The following FRMD3 variants were observed in gnomAD, a reference collection of about 807,000 sequenced individuals.
FRMD3 encodes the protein FERM domain containing 3, also known as FERM domain-containing protein 3.
A neutral mutation model predicts 70.2 loss-of-function variants in FRMD3; 33 were observed. The ratio of observed to expected loss-of-function variants is 0.47; its 90% CI spans 0.36 to 0.63. FRMD3 has a LOEUF of 0.63. Among genes scored for constraint, FRMD3 ranks in the 20% least tolerant of loss-of-function variants. The pLI is 0.00. For synonymous variants in FRMD3, 279 were observed against 255.9 expected (o/e 1.09, Z -0.86); for missense variants, 632 against 711.4 (o/e 0.89, Z 1.27).
the FRMD3 span, among the ~76,000 whole-genome samples, chr9:83,576,061 A>T: frequency 0.034 from 5,232 of 152,076 alleles, 324 homozygotes; most frequent in African/African-American, 0.12. Context: ...AAAATAAAAA[A>T]TTTTCTAAAA....
chr9:83,564,994 G>A, the FRMD3 span, among the ~76,000 whole-genome samples: 1 of 152,154 alleles, frequency 6.6e-6, no homozygotes, highest in African/African-American at 2.4e-5. Context: ...CTTTTTGGCT[G>A]CCTGGTGGGA....
intron 13 of FRMD3, among the ~76,000 whole-genome samples, chr9:83,288,551 T>G (rs897248156): frequency 6.6e-6 from 1 of 152,238 alleles, no homozygotes; most frequent in African/African-American, 2.4e-5. Flanking sequence ...AAAATAATTT[T>G]ATTAGATATC....
the FRMD3 span, among the ~76,000 whole-genome samples, chr9:83,561,068 T>C: frequency 2.0e-5 from 3 of 152,238 alleles, no homozygotes; most frequent in African/African-American, 7.2e-5. Context: ...TTCCATGGTA[T>C]TATTCTTGGA....
At chr9:83,437,726 G>T (rs1278574326) in intron 1 of FRMD3, among the ~76,000 whole-genome samples, 1 of 152,150 alleles carries the variant, frequency 6.6e-6, no homozygotes, top group Middle Eastern at 3.2e-3. Context: ...ACAGACGTGG[G>T]TCTTCCATGG....
At chr9:83,292,642 G>GTATTTTT (rs1053306887) in intron 12 of FRMD3, among the ~76,000 whole-genome samples, 4 of 151,648 alleles carry the variant, frequency 2.6e-5, no homozygotes, top group Non-Finnish European at 5.9e-5. Context: ...CCCCAACTTT[G>GTATTTTT]TATTTTTTAT....
intron 1 of FRMD3, among the ~76,000 whole-genome samples, chr9:83,481,694 C>T (rs1015570027): frequency 5.9e-5 from 9 of 152,080 alleles, no homozygotes; most frequent in Admixed American, 5.2e-4. Context: ...AAGAATAATT[C>T]TATGGGACAT....
intron 1 of FRMD3, among the ~76,000 whole-genome samples, chr9:83,475,153 A>G (rs1828365267): frequency 6.6e-6 from 1 of 152,194 alleles, no homozygotes; most frequent in Non-Finnish European, 1.5e-5. Flanking sequence ...AATAGGAAAA[A>G]AAAGCAGACA....
At chr9:83,562,136 T>C in the FRMD3 span, among the ~76,000 whole-genome samples, 4 of 152,200 alleles carry the variant, frequency 2.6e-5, no homozygotes, top group Non-Finnish European at 5.9e-5. Context: ...CAGAACGAGC[T>C]AGCGGGATAT....
At chr9:83,560,829 C>G in the FRMD3 span, among the ~76,000 whole-genome samples, 1 of 152,174 alleles carries the variant, frequency 6.6e-6, no homozygotes, top group Non-Finnish European at 1.5e-5. Flanking sequence ...TGGAAGCCAC[C>G]CAGCTTTGAT....
intron 6 of FRMD3, among the ~76,000 whole-genome samples, chr9:83,326,999 A>C (rs1836044946): frequency 6.6e-6 from 1 of 152,236 alleles, no homozygotes; most frequent in South Asian, 2.1e-4. Flanking sequence ...AAAACCAGAT[A>C]GCATCCCAGG....
intron 3 of FRMD3, among the ~76,000 whole-genome samples, chr9:83,362,827 C>T (rs1460327305): frequency 2.2e-5 from 3 of 134,590 alleles, no homozygotes; most frequent in Non-Finnish European, 4.9e-5. Flanking sequence ...TCCCTCCTTC[C>T]TTCCCTCCCT....
chr9:83,336,712 A>T (rs552500136), intron 5 of FRMD3, among the ~76,000 whole-genome samples: 1 of 144,396 alleles, frequency 6.9e-6, no homozygotes, highest in South Asian at 2.4e-4. Flanking sequence ...CTTGGCCAAG[A>T]GGCCCCAGAG....
At chr9:83,365,476 T>C (rs1824756247) in intron 3 of FRMD3, among the ~76,000 whole-genome samples, 1 of 152,176 alleles carries the variant, frequency 6.6e-6, no homozygotes, top group Non-Finnish European at 1.5e-5. Context: ...TGCTTGTGTA[T>C]AAGGCAGCTA....
At chr9:83,492,635 G>A (rs1253919384) in intron 1 of FRMD3, among the ~76,000 whole-genome samples, 6 of 152,196 alleles carry the variant, frequency 3.9e-5, no homozygotes, top group Admixed American at 2.0e-4. Flanking sequence ...CCTCTGGGGG[G>A]CAGGTGCCCC....
the FRMD3 span, among the ~76,000 whole-genome samples, chr9:83,566,553 C>A: frequency 2.6e-5 from 4 of 152,312 alleles, no homozygotes; most frequent in South Asian, 8.3e-4. Flanking sequence ...AAGTAAGACC[C>A]TTCCACCTAT....
upstream of FRMD3, among the ~76,000 whole-genome samples, chr9:83,540,399 G>C (rs576036316): frequency 1.1e-4 from 16 of 152,248 alleles, no homozygotes; most frequent in South Asian, 3.1e-3. Flanking sequence ...GACCAACAAG[G>C]ACAGTAGTGA....
At chr9:83,319,126 C>T (rs193298190) in intron 6 of FRMD3, among the ~76,000 whole-genome samples, 1 of 152,144 alleles carries the variant, frequency 6.6e-6, no homozygotes, top group East Asian at 1.9e-4. Flanking sequence ...ATTTCTTTTG[C>T]TGTGCAGAAG....
the FRMD3 span, among the ~76,000 whole-genome samples, chr9:83,555,584 T>C: frequency 6.6e-6 from 1 of 152,194 alleles, no homozygotes; most frequent in Non-Finnish European, 1.5e-5. Context: ...CAGCTGGAGT[T>C]CCAAACCAGT....
At chr9:83,558,046 T>C in the FRMD3 span, among the ~76,000 whole-genome samples, 1 of 152,292 alleles carries the variant, frequency 6.6e-6, no homozygotes, top group South Asian at 2.1e-4. Flanking sequence ...TATCACTCTG[T>C]TTTTTATATC....
Sources: gnomAD v4.1 joint callset for allele counts (sites outside exome capture counted in the v4.1 genomes callset) on GRCh38, gnomAD v4.1.1 for gene constraint, MANE v1.5 for transcripts, NCBI Gene and HGNC (gene_info 2026-07-23, HGNC 2026-07-21) for gene names.